Variants in STAC observed in about 807,000 individuals in gnomAD.
The protein encoded by STAC is SH3 and cysteine-rich domain-containing protein.
In STAC, 43 loss-of-function variants were observed where a neutral mutation model predicts 48.8. The ratio of observed to expected loss-of-function variants is 0.88; its 90% confidence interval spans 0.69 to 1.14. The LOEUF (loss-of-function observed/expected upper bound fraction) is 1.14, where lower values mean the gene tolerates loss of function less well. Among genes scored for constraint, STAC ranks in the 50% most tolerant of loss-of-function variants. The pLI is 0.00. For synonymous variants in STAC, 193 were observed against 179.5 expected (o/e 1.07, Z -0.60); for missense variants, 497 against 504.0 (o/e 0.99, Z 0.13).
chr3:36,511,670 A>C (rs1219427335), intron 8 of STAC, among the ~76,000 whole-genome samples: 1 of 152,216 alleles, frequency 6.6e-6, no homozygotes, highest in East Asian at 1.9e-4. Context: ...CCAAATTATC[A>C]GTCACCAGTC....
chr3:36,426,819 C>A (rs1251603145), intron 1 of STAC, among the ~76,000 whole-genome samples: 2 of 151,922 alleles, frequency 1.3e-5, no homozygotes, highest in Non-Finnish European at 2.9e-5. Flanking sequence ...TCTCTCATCA[C>A]ACTCTTCTAA....
intron 5 of STAC, among the ~76,000 whole-genome samples, chr3:36,492,507 T>A (rs1050744125): frequency 5.3e-5 from 8 of 152,176 alleles, no homozygotes; most frequent in African/African-American, 1.9e-4. Context: ...ATAAATGAGA[T>A]GGTATCTATA....
At chr3:36,402,910 T>A (rs1700024416) in intron 1 of STAC, among the ~76,000 whole-genome samples, 1 of 152,174 alleles carries the variant, frequency 6.6e-6, no homozygotes, top group South Asian at 2.1e-4. Flanking sequence ...GCTACCCATA[T>A]GATCAAGCTA....
chr3:36,386,341 C>A (rs1415784288), intron 1 of STAC, among the ~76,000 whole-genome samples: 1 of 150,734 alleles, frequency 6.6e-6, no homozygotes, highest in African/African-American at 2.4e-5. Flanking sequence ...TGTAGGGGTT[C>A]TTCTCATATT....
At chr3:36,520,015 A>G (rs1342033674) in intron 8 of STAC, among the ~76,000 whole-genome samples, 2 of 152,230 alleles carry the variant, frequency 1.3e-5, no homozygotes, top group African/African-American at 2.4e-5. Context: ...AAATAGCTCA[A>G]AGGCATTGAA....
At chr3:36,481,226 G>A (rs898826588) in intron 2 of STAC, among the ~76,000 whole-genome samples, 2 of 152,154 alleles carry the variant, frequency 1.3e-5, no homozygotes, top group African/African-American at 4.8e-5. Flanking sequence ...AGCATGGAGG[G>A]ATTGGCCTGA....
At chr3:36,405,441 C>A (rs2125630352) in intron 1 of STAC, among the ~76,000 whole-genome samples, 1 of 152,282 alleles carries the variant, frequency 6.6e-6, no homozygotes, top group East Asian at 1.9e-4. Flanking sequence ...GCAGCCCTCC[C>A]CAGTGAAAGC....
In STAC at chr3:36,546,191, A is replaced by T. The variant is rs200304979; in HGVS notation, c.1111A>T (p.Ile371Phe). The T allele has an allele frequency of 6.2e-7, 1 of 1,613,704 alleles. No individual in the cohort carries two copies. The highest frequency in any genetic ancestry group is 2.2e-5 in the East Asian group (1 of 44,842). The change falls in exon 11 of 11, where the codon ATC becomes TTC. Residue 371 changes from isoleucine to phenylalanine, a missense_variant and splice_region_variant. Physicochemically the swap from Ile to Phe is conservative, Grantham distance 21. Transcript: ENST00000273183. ...QGQITLKENQ[I>F]CVSSEEEQDG... ...GTTTTTTTTCTTCCTTGGCATTCAGATCTGCGTGAGTTCTGAAGAAGAACA... is the reference window on the plus strand; with the variant it reads ...GTTTTTTTTCTTCCTTGGCATTCAGTTCTGCGTGAGTTCTGAAGAAGAACA...
intron 2 of STAC, among the ~76,000 whole-genome samples, chr3:36,454,999 T>G (rs901423358): frequency 1.3e-5 from 2 of 152,186 alleles, no homozygotes; most frequent in Admixed American, 1.3e-4. Context: ...TAGGAGCCTT[T>G]TCAGATCATA....
chr3:36,408,857 C>G (rs972034826), intron 1 of STAC, among the ~76,000 whole-genome samples: 3 of 152,120 alleles, frequency 2.0e-5, no homozygotes, highest in African/African-American at 7.2e-5. Context: ...TTGTTTAGAC[C>G]AGGTTGAAAC....
intron 1 of STAC, among the ~76,000 whole-genome samples, chr3:36,396,926 A>T (rs1469069019): frequency 6.6e-6 from 1 of 152,112 alleles, no homozygotes; most frequent in East Asian, 1.9e-4. Flanking sequence ...TCCCACACAG[A>T]GTCTATCCCT....
chr3:36,387,508 C>G (rs911806714), intron 1 of STAC, among the ~76,000 whole-genome samples: 1 of 152,090 alleles, frequency 6.6e-6, no homozygotes, highest in Non-Finnish European at 1.5e-5. Context: ...TTTCCCCAGT[C>G]TCTGGCAACT....
intron 1 of STAC, among the ~76,000 whole-genome samples, chr3:36,383,324 T>C (rs933950563): frequency 3.5e-5 from 5 of 141,230 alleles, no homozygotes; most frequent in Non-Finnish European, 6.2e-5. Flanking sequence ...GGTTAGATCA[T>C]TTTCACTGTG....
chr3:36,454,218 T>C (rs1696784467), intron 2 of STAC, among the ~76,000 whole-genome samples: 1 of 152,134 alleles, frequency 6.6e-6, no homozygotes, highest in Non-Finnish European at 1.5e-5. Flanking sequence ...GCTAACTCTT[T>C]GGGTCCACAC....
chr3:36,396,615 C>T (rs983890181), intron 1 of STAC, among the ~76,000 whole-genome samples: 2 of 152,118 alleles, frequency 1.3e-5, no homozygotes, highest in African/African-American at 4.8e-5. Flanking sequence ...ATGTTCCAAG[C>T]ATTTTTCCTG....
chr3:36,398,321 A>AAGAG, intron 1 of STAC, among the ~76,000 whole-genome samples: 1 of 33,924 alleles, frequency 2.9e-5, no homozygotes, highest in Non-Finnish European at 5.6e-5. Flanking sequence ...GAAAGAAAGC[A>AAGAG]AGAAAGAAAG....
chr3:36,447,649 C>CACA (rs1553635638), intron 2 of STAC, among the ~76,000 whole-genome samples: 7 of 146,314 alleles, frequency 4.8e-5, no homozygotes, highest in Non-Finnish European at 7.5e-5. Context: ...TGTATACACA[C>CACA]CACACACACA....
intron 2 of STAC, among the ~76,000 whole-genome samples, chr3:36,463,719 G>T (rs1161181626): frequency 1.5e-5 from 2 of 129,826 alleles, no homozygotes; most frequent in African/African-American, 6.1e-5. Context: ...CTGTGTCCAT[G>T]TGATCTCATT....
chr3:36,411,289 C>A (rs1700189536), intron 1 of STAC, among the ~76,000 whole-genome samples: 1 of 152,202 alleles, frequency 6.6e-6, no homozygotes. Flanking sequence ...CAGTACAAAT[C>A]TTTTTAATAG....
Sources: gnomAD v4.1 joint callset for allele counts (sites outside exome capture counted in the v4.1 genomes callset) on GRCh38, gnomAD v4.1.1 for gene constraint, MANE v1.5 for transcripts, NCBI Gene and HGNC (gene_info 2026-07-23, HGNC 2026-07-21) for gene names.